ALDH1A2: variants seen among roughly 807,000 people sequenced by gnomAD.
The protein encoded by ALDH1A2 is retinal dehydrogenase 2.
Under a neutral mutation model 60.3 loss-of-function variants are expected in ALDH1A2, and 27 were observed. The ratio of observed to expected loss-of-function variants is 0.45; its 90% CI spans 0.33 to 0.62. The LOEUF (loss-of-function observed/expected upper bound fraction) is 0.62. Ranked by LOEUF, ALDH1A2 falls within the 20% of genes least tolerant of loss-of-function variation. The pLI, the probability that ALDH1A2 is intolerant of heterozygous loss-of-function variation, is 0.02. For synonymous variants in ALDH1A2, 289 were observed against 232.4 expected (o/e 1.24, Z -2.21); for missense variants, 581 against 643.8 (o/e 0.90, Z 1.06).
At chr15:58,065,152 G>A (rs1897143486) in intron 1 of ALDH1A2, 2 of 295,096 alleles carry the variant, frequency 6.8e-6, no homozygotes, top group Non-Finnish European at 6.6e-6. Flanking sequence ...GCGACGGCCA[G>A]GCTGCGTGGC....
At chr15:57,963,489 G>A (rs544002556) in intron 9 of ALDH1A2, among the ~76,000 whole-genome samples, 28 of 151,742 alleles carry the variant, frequency 1.8e-4, no homozygotes, top group South Asian at 1.3e-3. Flanking sequence ...ACAGGTACCC[G>A]CCACCTCGCC....
At chr15:57,961,683 T>C (rs1893725613) in intron 10 of ALDH1A2, among the ~76,000 whole-genome samples, 1 of 152,154 alleles carries the variant, frequency 6.6e-6, no homozygotes, top group Admixed American at 6.5e-5. Context: ...GTGGATTCTC[T>C]CTCCTGGTTA....
At chr15:58,053,484 GA>G (rs1179953013) in intron 1 of ALDH1A2, among the ~76,000 whole-genome samples, 4 of 152,086 alleles carry the variant, frequency 2.6e-5, no homozygotes, top group Admixed American at 1.3e-4. Context: ...ATAAGTTAGT[GA>G]CTTTGCAAGC....
At chr15:57,995,012 T>TG in intron 5 of ALDH1A2, 66 bp downstream of exon 5, 1 of 1,439,106 alleles carries the variant, frequency 6.9e-7, no homozygotes, top group Non-Finnish European at 9.8e-7. Flanking sequence ...AGGACCATGT[T>TG]TTATGTGTCT....
intron 4 of ALDH1A2, among the ~76,000 whole-genome samples, chr15:58,001,042 A>AG (rs1895250367): frequency 6.6e-6 from 1 of 151,066 alleles, no homozygotes; most frequent in African/African-American, 2.4e-5. Flanking sequence ...GTTAAAAAAA[A>AG]AAAAAAAAAA....
chr15:58,010,562 T>G, intron 4 of ALDH1A2, 87 bp downstream of exon 4: 2 of 1,558,566 alleles, frequency 1.3e-6, no homozygotes, highest in South Asian at 1.1e-5. Context: ...ATCTGTATTC[T>G]GTGTGACTGC....
intron 1 of ALDH1A2, 152 bp from the exon 2 acceptor site, chr15:58,014,433 C>T (rs774650857): frequency 2.4e-5 from 17 of 718,158 alleles, no homozygotes; most frequent in Middle Eastern, 2.3e-4. Flanking sequence ...CTAGACTCAA[C>T]GCCAATTTAG....
chr15:57,980,211 A>G (rs1317968431), intron 7 of ALDH1A2: 2 of 321,028 alleles, frequency 6.2e-6, no homozygotes, highest in Non-Finnish European at 1.3e-5. Context: ...TTCTCTGAGT[A>G]TTTGATGCCA....
intron 1 of ALDH1A2, among the ~76,000 whole-genome samples, chr15:58,041,975 T>C (rs182290949): frequency 2.0e-5 from 3 of 151,924 alleles, no homozygotes; most frequent in Non-Finnish European, 4.4e-5. Context: ...CTTACCATAC[T>C]GTACTCACCT....
At chr15:58,002,909 C>T (rs1376114785) in intron 4 of ALDH1A2, among the ~76,000 whole-genome samples, 3 of 151,752 alleles carry the variant, frequency 2.0e-5, no homozygotes, top group African/African-American at 7.3e-5. Context: ...TTGAACAGAC[C>T]TCACCCAACA....
intron 1 of ALDH1A2, among the ~76,000 whole-genome samples, chr15:58,056,495 A>G (rs1236363206): frequency 2.0e-5 from 3 of 152,184 alleles, no homozygotes; most frequent in Non-Finnish European, 4.4e-5. Flanking sequence ...GAAGACTACA[A>G]AAAGAATGCC....
chr15:57,988,138 A>C (rs761865784), intron 7 of ALDH1A2, among the ~76,000 whole-genome samples: 1 of 152,190 alleles, frequency 6.6e-6, no homozygotes, highest in Non-Finnish European at 1.5e-5. Context: ...AACAGCAGCA[A>C]TGTATTGTGG....
At chr15:58,016,595 T>G (rs1006246934) in intron 1 of ALDH1A2, among the ~76,000 whole-genome samples, 9 of 152,234 alleles carry the variant, frequency 5.9e-5, no homozygotes, top group Non-Finnish European at 1.2e-4. Context: ...CTTAGTCTAT[T>G]GATCATTTTA....
At position 58,065,608 on chromosome 15, in the gene ALDH1A2, C is replaced by T. The variant is rs1897157159; in HGVS notation, c.43G>A (p.Asp15Asn). The change falls in exon 1 of 13, where the codon GAC becomes AAC. Residue 15 changes from aspartate to asparagine, a missense_variant. Transcript: ENST00000249750. ...AGCGACGCCATGAGGGCGGCGGGGT[C>T]GGCCTTCACCTCGCCGGGCATCTCT... ...KIEMPGEVKADPAALMASLHL... is the reference protein window; with the variant it reads ...KIEMPGEVKANPAALMASLHL... 5 of 1,609,780 alleles carry T rather than the reference C, an allele frequency of 3.1e-6. No homozygotes were observed. Among genetic ancestry groups the T allele is most frequent in the Admixed American group, 3.4e-5 (2 of 59,602 alleles).
intron 1 of ALDH1A2, among the ~76,000 whole-genome samples, chr15:58,023,186 T>C (rs548572010): frequency 6.6e-5 from 10 of 152,212 alleles, no homozygotes; most frequent in African/African-American, 2.4e-4. Flanking sequence ...GAATAATTCA[T>C]TGAAGGGAAA....
At chr15:58,058,468 CAAA>C (rs1188637852) in intron 1 of ALDH1A2, among the ~76,000 whole-genome samples, 16 of 23,564 alleles carry the variant, frequency 6.8e-4, no homozygotes, top group Non-Finnish European at 6.9e-4. Flanking sequence ...AAATGATATT[CAAA>C]AAAAAAAAAA....
At chr15:57,972,005 T>G (rs1266220869) in intron 7 of ALDH1A2, among the ~76,000 whole-genome samples, 1 of 152,250 alleles carries the variant, frequency 6.6e-6, no homozygotes, top group East Asian at 1.9e-4. Flanking sequence ...GCTAGAATTA[T>G]GGGCGTGAGC....
chr15:57,969,104 G>C (rs1893983840), intron 7 of ALDH1A2, among the ~76,000 whole-genome samples: 1 of 152,194 alleles, frequency 6.6e-6, no homozygotes. Flanking sequence ...GGCTATGGGA[G>C]AACCACTTCC....
chr15:57,995,161 A>T, intron 4 of ALDH1A2, 22 bp from the exon 5 acceptor site: 2 of 1,586,322 alleles, frequency 1.3e-6, no homozygotes, highest in Non-Finnish European at 1.7e-6. Flanking sequence ...AAGCATGGTC[A>T]CTCCCAGAAA....
Sources: allele counts gnomAD v4.1 joint callset (sites outside exome capture counted in the v4.1 genomes callset), GRCh38; gene constraint gnomAD v4.1.1; transcripts MANE v1.5; gene names NCBI Gene and HGNC (gene_info 2026-07-23, HGNC 2026-07-21).